CAPN9: variants seen among roughly 807,000 people sequenced by gnomAD.
CAPN9 encodes the protein calpain-9.
CAPN9 carries 81 observed loss-of-function variants against 92.8 expected under a neutral mutation model. That is an observed-to-expected ratio of 0.87 (90% CI 0.73 to 1.05). The LOEUF (loss-of-function observed/expected upper bound fraction) is 1.05. Among genes scored for constraint, CAPN9 ranks in the 50% least tolerant of loss-of-function variants. CAPN9 has a pLI of 0.00. For synonymous variants in CAPN9, 304 were observed against 328.0 expected (o/e 0.93, Z 0.79); for missense variants, 848 against 866.2 (o/e 0.98, Z 0.26).
At chr1:230,794,253 G>A (rs1167690259) in intron 17 of CAPN9, among the ~76,000 whole-genome samples, 1 of 152,158 alleles carries the variant, frequency 6.6e-6, no homozygotes, top group African/African-American at 2.4e-5. Context: ...GGAGGCCTAG[G>A]TGGGTGGATC....
chr1:230,759,828 G>A (rs902009639), intron 3 of CAPN9, among the ~76,000 whole-genome samples, 198 bp downstream of exon 3: 6 of 152,206 alleles, frequency 3.9e-5, no homozygotes, highest in South Asian at 2.1e-4. Flanking sequence ...GGCATTGCAC[G>A]GTGAATCCTT....
chr1:230,800,217 AAATAAGAAAGAAAGAAGAAAGAAAG>A (rs1416580499), intron 19 of CAPN9, among the ~76,000 whole-genome samples: 3 of 88,910 alleles, frequency 3.4e-5, no homozygotes, highest in African/African-American at 3.7e-5. Flanking sequence ...AAAGAAAGAA[AAATAAGAAAGAAAGAAGAAAGAAAG>A]AAAGAAAGAA....
chr1:230,782,288 T>C (rs1369473395), intron 11 of CAPN9, among the ~76,000 whole-genome samples: 1 of 152,224 alleles, frequency 6.6e-6, no homozygotes, highest in Non-Finnish European at 1.5e-5. Context: ...TGAGCTGTGT[T>C]TGCATTGGTT....
At chr1:230,789,392 G>C (rs1667822360) in intron 13 of CAPN9, among the ~76,000 whole-genome samples, 1 of 147,520 alleles carries the variant, frequency 6.8e-6, no homozygotes, top group Non-Finnish European at 1.5e-5. Context: ...AGGATTGCTT[G>C]AGCATGGGAA....
At chr1:230,796,141 T>C (rs1668339616) in intron 18 of CAPN9, among the ~76,000 whole-genome samples, 1 of 151,004 alleles carries the variant, frequency 6.6e-6, no homozygotes, top group Non-Finnish European at 1.5e-5. Flanking sequence ...GACCAGCTCA[T>C]AGCGAAACTT....
At chr1:230,785,941 TA>T in intron 11 of CAPN9, 39 bp from the exon 12 acceptor site, 1 of 1,602,452 alleles carries the variant, frequency 6.2e-7, no homozygotes, top group South Asian at 1.1e-5. Context: ...AATGGGAAGT[TA>T]ATCCACAATT....
intron 1 of CAPN9, among the ~76,000 whole-genome samples, chr1:230,747,937 G>A (rs532183197): frequency 8.0e-4 from 122 of 152,224 alleles, no homozygotes; most frequent in African/African-American, 2.6e-3. Flanking sequence ...CCCGCTCCCC[G>A]GCTCCAAGCT....
At chr1:230,787,930 A>T (rs1667721790) in intron 13 of CAPN9, among the ~76,000 whole-genome samples, 1 of 152,156 alleles carries the variant, frequency 6.6e-6, no homozygotes, top group Non-Finnish European at 1.5e-5. Context: ...AGCCTAGCTC[A>T]CTGCAGCCTC....
Position 230,792,825 on chromosome 1 carries a change from A to G in CAPN9, c.1792-25A>G, listed in dbSNP as rs552988529. ...ATGCCTTTCAGGCACGCTCCTTCTC[A>G]AGGCTTCTGCTCTCCACCCTTTAGA... On this transcript the variant is annotated intron_variant, in intron 16 of 19. Coordinates refer to ENST00000271971, the MANE Select transcript of CAPN9 (RefSeq NM_006615.3). 49 of 1,605,246 alleles carry G rather than the reference A, an allele frequency of 3.1e-5. No individual in the cohort carries two copies. The South Asian group carries it at 5.0e-4, about 16-fold the overall frequency.
chr1:230,767,664 A>G lies in CAPN9; in HGVS notation c.660A>G (p.Leu220=). 1 of 1,613,426 alleles carries G rather than the reference A, an allele frequency of 6.2e-7. No individual in the cohort carries two copies. Among genetic ancestry groups the G allele is most frequent in the East Asian group, 2.2e-5 (1 of 44,800 alleles). Reference sequence around the variant, plus strand: ...CCCCCGAGAACTTCTATGAGATTCTAGAGAAGGCTTTGAAGAGAGGCTCCC... The same window carrying G: ...CCCCCGAGAACTTCTATGAGATTCTGGAGAAGGCTTTGAAGAGAGGCTCCC... ...KEAPENFYEI[L]EKALKRGSLL... is the part of the protein sequence containing the mutation. Residue 220 remains leucine (L), a synonymous_variant, in exon 5 of 20, where the codon CTA becomes CTG. Coordinates refer to ENST00000271971, the MANE Select transcript of CAPN9 (RefSeq NM_006615.3).
At chr1:230,769,105 A>T (rs1181713784) in intron 5 of CAPN9, 75 bp from the exon 6 acceptor site, 1 of 1,191,124 alleles carries the variant, frequency 8.4e-7, no homozygotes, top group Non-Finnish European at 1.2e-6. Flanking sequence ...CGGGCCAGGC[A>T]TGTAGCTGGG....
intron 1 of CAPN9, among the ~76,000 whole-genome samples, chr1:230,749,281 G>C (rs933171851): frequency 7.2e-5 from 11 of 152,194 alleles, no homozygotes; most frequent in Non-Finnish European, 1.0e-4. Flanking sequence ...GATCACGTGG[G>C]GTTGCACTTT....
chr1:230,755,969 C>G (rs1285717173), intron 2 of CAPN9, among the ~76,000 whole-genome samples: 1 of 152,176 alleles, frequency 6.6e-6, no homozygotes, highest in Admixed American at 6.5e-5. Context: ...CTGCAATGAA[C>G]CTGAGTGCAC....
At chr1:230,793,770 G>A (rs1668163084) in intron 17 of CAPN9, among the ~76,000 whole-genome samples, 1 of 152,224 alleles carries the variant, frequency 6.6e-6, no homozygotes, top group African/African-American at 2.4e-5. Flanking sequence ...AAGAAAATCA[G>A]ATGATTTATA....
At chr1:230,800,253 AG>A (rs1426031196) in intron 19 of CAPN9, among the ~76,000 whole-genome samples, 1 of 121,778 alleles carries the variant, frequency 8.2e-6, no homozygotes, top group African/African-American at 3.2e-5. Context: ...AAAGAAAGAA[AG>A]AAAGAAAGAA....
At chr1:230,767,443 GA>G (rs1471592995) in intron 4 of CAPN9, 97 bp from the exon 5 acceptor site, 55 of 996,112 alleles carry the variant, frequency 5.5e-5, no homozygotes, top group Non-Finnish European at 7.5e-5. Context: ...AGCCCTGGGA[GA>G]TGCTTCAGGC....
Position 230,757,315 on chromosome 1 carries a change from C to T in CAPN9, c.283+1909C>T, listed in dbSNP as rs574897730. Among the ~76,000 whole-genome samples the T allele has an allele frequency of 1.4e-4, 21 of 152,322 alleles. No homozygotes were observed. The South Asian group carries it at 1.9e-3, about 14-fold the overall frequency. On this transcript the variant is annotated intron_variant, in intron 2 of 19. Coordinates refer to ENST00000271971, the MANE Select transcript of CAPN9 (RefSeq NM_006615.3). ...CCGCTGCCCACCTCTCCCCCTCTTC[C>T]TCTGCCTCCCTTCCCCTCGACCCCG...
chr1:230,774,372 C>G (rs1409395648), intron 7 of CAPN9, among the ~76,000 whole-genome samples, 182 bp from the exon 8 acceptor site: 1 of 152,196 alleles, frequency 6.6e-6, no homozygotes, highest in Non-Finnish European at 1.5e-5. Flanking sequence ...CTGACCAGCC[C>G]TCTTATTTGG....
chr1:230,762,835 A>G lies in CAPN9; in HGVS notation c.536+49A>G, dbSNP rs751092162. The G allele has an allele frequency of 9.5e-6, 15 of 1,586,876 alleles. No individual in the cohort carries two copies. In the South Asian group the frequency reaches 1.3e-4, roughly 13 times the overall value. On this transcript the variant is annotated intron_variant, in intron 4 of 19. Coordinates refer to ENST00000271971, the MANE Select transcript of CAPN9 (RefSeq NM_006615.3). ...AGGCAGCCTCCCGACAGGAGTCTCT[A>G]CACTAGTCTTTGTAGTGAGCATCTA...
Sources: gnomAD v4.1 joint callset for allele counts (sites outside exome capture counted in the v4.1 genomes callset) on GRCh38, gnomAD v4.1.1 for gene constraint, MANE v1.5 for transcripts, NCBI Gene and HGNC (gene_info 2026-07-23, HGNC 2026-07-21) for gene names.